ADK: variants seen among roughly 807,000 people sequenced by gnomAD.
The protein encoded by ADK is N6,N6-dimethyladenosine kinase.
A neutral mutation model predicts 44.7 loss-of-function variants in ADK; 24 were observed. The observed-to-expected ratio is 0.54, with a 90% CI of 0.39 to 0.76. The LOEUF (loss-of-function observed/expected upper bound fraction) is 0.76, where lower values mean the gene tolerates loss of function less well. Among genes scored for constraint, ADK ranks in the 30% least tolerant of loss-of-function variants. The probability of loss-of-function intolerance (pLI) is 0.00; values close to 1 mark genes in which losing one functional copy is unlikely to be tolerated. For missense variants in ADK, 321 were observed against 425.1 expected, an observed-to-expected ratio of 0.76 and a Z score of 2.15; for synonymous variants, 128 against 142.6, an observed-to-expected ratio of 0.90 and a Z score of 0.73.
chr10:74,539,595 TA>T (rs1849560175), intron 7 of ADK, among the ~76,000 whole-genome samples: 1 of 152,104 alleles, frequency 6.6e-6, no homozygotes, highest in South Asian at 2.1e-4. Context: ...TTTTCTGCTA[TA>T]AGTGATAAGA....
At chr10:74,409,078 G>T (rs1208077531) in intron 6 of ADK, among the ~76,000 whole-genome samples, 3 of 152,134 alleles carry the variant, frequency 2.0e-5, no homozygotes, top group Non-Finnish European at 2.9e-5. Flanking sequence ...AAAGCTCTCA[G>T]CTAAGATATA....
intron 6 of ADK, among the ~76,000 whole-genome samples, chr10:74,523,519 T>C (rs1848920879): frequency 6.6e-6 from 1 of 152,204 alleles, no homozygotes; most frequent in Admixed American, 6.5e-5. Context: ...TCTCCATTTT[T>C]TCCTTCGTCG....
intron 7 of ADK, among the ~76,000 whole-genome samples, chr10:74,550,901 C>T (rs1005045307): frequency 2.6e-5 from 4 of 152,148 alleles, no homozygotes; most frequent in African/African-American, 9.7e-5. Flanking sequence ...GCAGGTTTCA[C>T]CATGTTGTCC....
chr10:74,350,916 T>C (rs2131903811), intron 4 of ADK, among the ~76,000 whole-genome samples: 1 of 152,300 alleles, frequency 6.6e-6, no homozygotes, highest in South Asian at 2.1e-4. Flanking sequence ...TAACAAGTTC[T>C]GAAATTGAGG....
intron 10 of ADK, among the ~76,000 whole-genome samples, chr10:74,700,471 G>A (rs558678608): frequency 7.2e-5 from 11 of 152,194 alleles, no homozygotes; most frequent in Non-Finnish European, 1.5e-4. Flanking sequence ...TCAAACTCCC[G>A]ACCTCAGGTG....
rs1403012824 is a variant in ADK at position 74,521,221 on chromosome 10, TAAAG to T, written c.556-4031_556-4028del. ...ATTGTTTAAATACTAAATATTTACT[TAAAG>T]AAAAACAAGAGATCATTCAAAAATA... On this transcript the variant is annotated intron_variant, in intron 6 of 10. Transcript: ENST00000539909. Among the ~76,000 whole-genome samples the T allele has an allele frequency of 2.6e-5, 4 of 152,160 alleles. 1 individual carries two copies. The South Asian group carries it at 8.3e-4, about 32-fold the overall frequency.
intron 9 of ADK, among the ~76,000 whole-genome samples, chr10:74,669,441 T>G (rs1855091050): frequency 6.6e-6 from 1 of 152,170 alleles, no homozygotes; most frequent in Middle Eastern, 3.2e-3. Context: ...TGTGCCATGT[T>G]TAAAGTACTA....
intron 6 of ADK, among the ~76,000 whole-genome samples, chr10:74,515,183 T>A (rs1380604921): frequency 2.0e-5 from 3 of 152,210 alleles, no homozygotes; most frequent in African/African-American, 7.2e-5. Context: ...TGGGGTACAT[T>A]AGCCTTATTT....
rs1450147677 is a variant in ADK, at chr10:74,670,169, G to A, written c.878-14G>A. Reference sequence around the variant, plus strand: ...AAGAGAAGTCATTCTGCCTTTCTTTGGCTCTAATTGCAGAAAGTGAAGTCA... The same window carrying A: ...AAGAGAAGTCATTCTGCCTTTCTTTAGCTCTAATTGCAGAAAGTGAAGTCA... On this transcript the variant is annotated splice_polypyrimidine_tract_variant and intron_variant, in intron 9 of 10. Transcript: ENST00000539909. The A allele has an allele frequency of 1.9e-6, 3 of 1,608,798 alleles. No individual in the cohort carries two copies. The South Asian group carries it at 3.3e-5, about 18-fold the overall frequency.
At chr10:74,458,318 T>TTTTCAG (rs1846036572) in intron 6 of ADK, among the ~76,000 whole-genome samples, 1 of 148,016 alleles carries the variant, frequency 6.8e-6, no homozygotes, top group African/African-American at 2.5e-5. Flanking sequence ...TTTTTTTTTT[T>TTTTCAG]GCAGAGACAG....
At chr10:74,641,249 G>A (rs754019421) in intron 9 of ADK, among the ~76,000 whole-genome samples, 44 of 152,044 alleles carry the variant, frequency 2.9e-4, no homozygotes, top group Non-Finnish European at 5.6e-4. Context: ...TAGGCATAAT[G>A]GCCCATGCCT....
chr10:74,704,631 A>T (rs1440755688), intron 10 of ADK, among the ~76,000 whole-genome samples: 1 of 152,242 alleles, frequency 6.6e-6, no homozygotes, highest in African/African-American at 2.4e-5. Flanking sequence ...TCAAAGCAAA[A>T]GATTCTTCAG....
chr10:74,502,014 A>G (rs1050909050), intron 6 of ADK, among the ~76,000 whole-genome samples: 1 of 152,088 alleles, frequency 6.6e-6, no homozygotes, highest in Admixed American at 6.5e-5. Context: ...TTAAGACTTA[A>G]CTGAATTCTA....
chr10:74,435,430 G>A (rs992055943), intron 6 of ADK, among the ~76,000 whole-genome samples: 1 of 152,136 alleles, frequency 6.6e-6, no homozygotes, highest in African/African-American at 2.4e-5. Flanking sequence ...CAGTCATGTG[G>A]TTAGTAAATG....
chr10:74,374,667 G>A (rs1453737999), intron 4 of ADK, among the ~76,000 whole-genome samples: 3 of 152,130 alleles, frequency 2.0e-5, no homozygotes, highest in Middle Eastern at 3.4e-3. Flanking sequence ...GTCATGCATG[G>A]TTAGTCCTTC....
intron 1 of ADK, among the ~76,000 whole-genome samples, chr10:74,153,917 A>G (rs1245315200): frequency 2.0e-5 from 3 of 152,154 alleles, no homozygotes; most frequent in Non-Finnish European, 4.4e-5. Flanking sequence ...AGTACATGCT[A>G]TTTTAGACAT....
chr10:74,670,715 GTTGT>G lies in ADK; in HGVS notation c.964+452_964+455del, dbSNP rs1425517694. ...AACATCTGTTTCAAACACAATAGTG[GTTGT>G]TTGTTATACTAAAAAGGGTTAAATT... On this transcript the variant is annotated intron_variant, in intron 10 of 10. Coordinates refer to ENST00000539909, the MANE Select transcript of ADK (RefSeq NM_006721.4). Among the ~76,000 whole-genome samples, 11 of 152,210 alleles carry G rather than the reference GTTGT, an allele frequency of 7.2e-5. No homozygotes were observed. The South Asian group carries it at 1.7e-3, about 23-fold the overall frequency.
At chr10:74,240,345 T>A (rs1029955510) in intron 3 of ADK, among the ~76,000 whole-genome samples, 4 of 151,476 alleles carry the variant, frequency 2.6e-5, no homozygotes, top group African/African-American at 9.7e-5. Context: ...TAGGTATTTG[T>A]CAGCCTGTCA....
intron 4 of ADK, among the ~76,000 whole-genome samples, chr10:74,330,399 G>A (rs1383840677): frequency 6.6e-6 from 1 of 151,894 alleles, no homozygotes. Flanking sequence ...CTCTATCCTG[G>A]GAAACACAGT....
Sources: allele counts gnomAD v4.1 joint callset (sites outside exome capture counted in the v4.1 genomes callset), GRCh38; gene constraint gnomAD v4.1.1; transcripts MANE v1.5; gene names NCBI Gene and HGNC (gene_info 2026-07-23, HGNC 2026-07-21).